CSMD1: variants seen among roughly 807,000 people sequenced by gnomAD.
The protein encoded by CSMD1 is CUB and Sushi multiple domains 1.
A neutral mutation model predicts 417.5 loss-of-function variants in CSMD1; 213 were observed. The observed-to-expected ratio is 0.51, with a 90% confidence interval of 0.46 to 0.57. CSMD1 has a LOEUF of 0.57. Ranked by LOEUF, CSMD1 falls within the 20% of genes least tolerant of loss-of-function variation. The pLI is 0.00. For missense variants in CSMD1, 6,923 were observed against 4,529.7 expected, an observed-to-expected ratio of 1.53 and a Z score of -15.17; for synonymous variants, 2,862 against 1,736.8, an observed-to-expected ratio of 1.65 and a Z score of -16.11.
chr8:4,611,915 C>T (rs978098720), intron 2 of CSMD1, among the ~76,000 whole-genome samples: 1 of 152,184 alleles, frequency 6.6e-6, no homozygotes, highest in Non-Finnish European at 1.5e-5. Context: ...ACAAATTCTA[C>T]ATTCCTGAAT....
intron 3 of CSMD1, among the ~76,000 whole-genome samples, chr8:4,248,831 C>T (rs1303781953): frequency 6.6e-6 from 1 of 152,006 alleles, no homozygotes; most frequent in Non-Finnish European, 1.5e-5. Flanking sequence ...CTGATGTATC[C>T]CAATAGCCAA....
At chr8:4,686,755 G>C (rs1806410619) in intron 1 of CSMD1, among the ~76,000 whole-genome samples, 1 of 152,182 alleles carries the variant, frequency 6.6e-6, no homozygotes, top group Admixed American at 6.5e-5. Context: ...ATGAACCTAA[G>C]ATCAGAAGAA....
At chr8:2,984,920 T>A (rs1356151425) in intron 54 of CSMD1, among the ~76,000 whole-genome samples, 1 of 152,324 alleles carries the variant, frequency 6.6e-6, no homozygotes, top group East Asian at 1.9e-4. Flanking sequence ...GGACAAGAGG[T>A]TTACATACCC....
intron 2 of CSMD1, among the ~76,000 whole-genome samples, chr8:4,459,436 G>C (rs985468500): frequency 6.6e-6 from 1 of 152,140 alleles, no homozygotes; most frequent in East Asian, 1.9e-4. Flanking sequence ...TGAAGCAGTG[G>C]CTCAGAGATT....
At chr8:3,721,686 A>C (rs934944020) in intron 6 of CSMD1, among the ~76,000 whole-genome samples, 3 of 152,106 alleles carry the variant, frequency 2.0e-5, no homozygotes, top group Admixed American at 6.5e-5. Flanking sequence ...GAGCTTCTTT[A>C]ATTTCATTAA....
chr8:3,131,689 C>G (rs1336442330), intron 41 of CSMD1, among the ~76,000 whole-genome samples: 1 of 152,020 alleles, frequency 6.6e-6, no homozygotes, highest in African/African-American at 2.4e-5. Flanking sequence ...TCAGGCTGGT[C>G]TTGAACTCCT....
intron 5 of CSMD1, among the ~76,000 whole-genome samples, chr8:3,893,868 C>A (rs1351058663): frequency 2.6e-5 from 4 of 152,080 alleles, no homozygotes; most frequent in African/African-American, 9.7e-5. Context: ...AAAAAACACA[C>A]CCCTGGTTGG....
intron 4 of CSMD1, among the ~76,000 whole-genome samples, chr8:4,025,420 ATTAT>A (rs1797010398): frequency 6.6e-6 from 1 of 152,222 alleles, no homozygotes; most frequent in African/African-American, 2.4e-5. Context: ...CTGTACCATT[ATTAT>A]TTAATAATTT....
chr8:4,609,597 G>A (rs1002565381), intron 2 of CSMD1, among the ~76,000 whole-genome samples: 1 of 152,130 alleles, frequency 6.6e-6, no homozygotes, highest in African/African-American at 2.4e-5. Flanking sequence ...CCATCACAGA[G>A]TATGATCTTA....
At chr8:4,147,532 A>G (rs966628332) in intron 3 of CSMD1, among the ~76,000 whole-genome samples, 1 of 152,110 alleles carries the variant, frequency 6.6e-6, no homozygotes, top group East Asian at 1.9e-4. Flanking sequence ...CCTCCTCCTT[A>G]GGCATTTTAA....
intron 1 of CSMD1, among the ~76,000 whole-genome samples, chr8:4,697,724 T>C (rs1339542618): frequency 1.3e-5 from 2 of 152,174 alleles, no homozygotes; most frequent in Non-Finnish European, 2.9e-5. Flanking sequence ...TGTGGATTAG[T>C]TAATAACTCA....
rs146144442 is a variant in CSMD1, at chr8:3,742,860, C to T, written c.931+11070G>A. 3.5e-3 allele frequency among the ~76,000 whole-genome samples: 533 copies of T among 152,356 alleles called. 3 individuals carry two copies. The highest frequency in any genetic ancestry group is 0.013 in the African/African-American group (520 of 41,588). ...TCTTCACTGTGAAGAGTTACTTCTG[C>T]GTTTCTAAATGTGTTATGACTGCAA... is the stretch of plus-strand genomic sequence containing the variant. On this transcript the variant is annotated intron_variant, in intron 6 of 69. Transcript: ENST00000635120.
intron 1 of CSMD1, among the ~76,000 whole-genome samples, chr8:4,680,010 CTCT>C: frequency 6.6e-6 from 1 of 152,236 alleles, no homozygotes; most frequent in African/African-American, 2.4e-5. Flanking sequence ...TGTTTTAGTA[CTCT>C]TCAAGTACTT....
At chr8:3,677,008 T>A (rs927669319) in intron 7 of CSMD1, among the ~76,000 whole-genome samples, 2 of 150,986 alleles carry the variant, frequency 1.3e-5, no homozygotes, top group African/African-American at 4.9e-5. Flanking sequence ...TGTTGCGGGG[T>A]TGGGGGCAAG....
intron 2 of CSMD1, among the ~76,000 whole-genome samples, chr8:4,449,404 T>A (rs1006967504): frequency 6.6e-6 from 1 of 152,198 alleles, no homozygotes; most frequent in Non-Finnish European, 1.5e-5. Flanking sequence ...ACTGTGGCTA[T>A]GTTTAGAATA....
chr8:3,377,651 T>C (rs1329979357), intron 18 of CSMD1, among the ~76,000 whole-genome samples: 2 of 152,180 alleles, frequency 1.3e-5, no homozygotes, highest in Non-Finnish European at 2.9e-5. Flanking sequence ...CCTCCAGGAA[T>C]TCTTACTGTA....
At chr8:4,567,366 C>T (rs1274024851) in intron 2 of CSMD1, among the ~76,000 whole-genome samples, 1 of 152,114 alleles carries the variant, frequency 6.6e-6, no homozygotes, top group Admixed American at 6.5e-5. Flanking sequence ...TTGGAAGAGA[C>T]CTCTGTTGCA....
chr8:3,528,361 A>C (rs1269850868), intron 10 of CSMD1, among the ~76,000 whole-genome samples: 1 of 152,198 alleles, frequency 6.6e-6, no homozygotes, highest in African/African-American at 2.4e-5. Flanking sequence ...TGACAGGCAC[A>C]AGAGAATACA....
At chr8:3,699,286 A>C (rs1304829864) in intron 7 of CSMD1, among the ~76,000 whole-genome samples, 3 of 152,112 alleles carry the variant, frequency 2.0e-5, no homozygotes, top group Non-Finnish European at 4.4e-5. Flanking sequence ...ATTTCTCATA[A>C]TTTTCCTGTT....
Sources: allele counts gnomAD v4.1 joint callset (sites outside exome capture counted in the v4.1 genomes callset), GRCh38; gene constraint gnomAD v4.1.1; transcripts MANE v1.5; gene names NCBI Gene and HGNC (gene_info 2026-07-23, HGNC 2026-07-21).